RCC1: variants seen among roughly 807,000 people sequenced by gnomAD.
The protein encoded by RCC1 is regulator of chromosome condensation 1.
In RCC1, 11 loss-of-function variants were observed where a neutral mutation model predicts 44.4. The ratio of observed to expected loss-of-function variants is 0.25; its 90% CI spans 0.16 to 0.41. The LOEUF (loss-of-function observed/expected upper bound fraction) is 0.41, where lower values mean the gene tolerates loss of function less well. Among genes scored for constraint, RCC1 ranks in the 10% least tolerant of loss-of-function variants. The pLI, the probability that RCC1 is intolerant of heterozygous loss-of-function variation, is 1.00. For synonymous variants in RCC1, 213 were observed against 216.5 expected (o/e 0.98, Z 0.14); for missense variants, 386 against 547.1 (o/e 0.71, Z 2.94).
In RCC1 at chr1:28,535,876, C is replaced by A. The variant is rs1435273339; in HGVS notation, c.667C>A (p.Leu223Ile). 6.2e-7 allele frequency: 1 copy of A among 1,612,536 alleles called. No homozygotes were observed. Among genetic ancestry groups the A allele is most frequent in the East Asian group, 2.2e-5 (1 of 44,884 alleles). The change falls in exon 10 of 13, where the codon CTC (leucine) becomes ATC (isoleucine). Residue 223 changes from leucine to isoleucine, a missense_variant. Transcript: ENST00000683442. The part of the protein sequence containing the change: ...NRGGRQGLER[L>I]LVPKCVMLKS... ...GGCTTTCCCTTTGCCTGCAGAACGA[C>A]TCCTGGTCCCCAAGTGTGTGATGCT...
chr1:28,508,224 A>G (rs915833185), intron 2 of RCC1, 64 bp downstream of exon 2: 10 of 416,862 alleles, frequency 2.4e-5, no homozygotes, highest in Non-Finnish European at 5.0e-5. Flanking sequence ...TGTAATGGAA[A>G]TAGGATTGAA....
At chr1:28,523,062 T>C (rs1410414176) in intron 4 of RCC1, among the ~76,000 whole-genome samples, 1 of 145,818 alleles carries the variant, frequency 6.9e-6, no homozygotes, top group Non-Finnish European at 1.5e-5. Flanking sequence ...GACGGAGTCT[T>C]GCTCTGTCAC....
intron 4 of RCC1, among the ~76,000 whole-genome samples, chr1:28,522,052 A>G (rs1367524122): frequency 6.6e-6 from 1 of 152,216 alleles, no homozygotes. Context: ...TATGGAAGAT[A>G]CAGTGAGTTA....
At chr1:28,508,357 C>G in intron 2 of RCC1, 197 bp downstream of exon 2, 2 of 356,018 alleles carry the variant, frequency 5.6e-6, no homozygotes, top group South Asian at 2.1e-5. Flanking sequence ...AACATATGCT[C>G]TGTTCTGTAA....
intron 4 of RCC1, among the ~76,000 whole-genome samples, chr1:28,521,345 C>G (rs1663255916): frequency 6.6e-6 from 1 of 151,416 alleles, no homozygotes; most frequent in Non-Finnish European, 1.5e-5. Flanking sequence ...ACTAAAAATA[C>G]AAAAAATTAG....
rs1305657667 is a variant in RCC1, at chr1:28,516,813, CA to C, written c.-63del. The C allele has an allele frequency of 2.2e-6, 1 of 456,372 alleles. No individual in the cohort carries two copies. Among genetic ancestry groups the C allele is most frequent in the Admixed American group, 2.4e-5 (1 of 42,500 alleles). 28.3% of individuals were successfully genotyped at this position (456,372 alleles called of 1,614,324 possible). The stretch of plus-strand genomic sequence containing the variant: ...AGGGTTAAAAGTTGGAGAAATTTCA[CA>C]GTACATCATCCAAAAGAGGAGTCCA... On this transcript the variant is annotated 5_prime_UTR_variant, in exon 4 of 13. Transcript: ENST00000683442.
At chr1:28,507,217 G>A in intron 1 of RCC1, 2 of 405,658 alleles carry the variant, frequency 4.9e-6, no homozygotes, top group South Asian at 3.7e-5. Flanking sequence ...GAATATGCAT[G>A]TTACCAGTCT....
chr1:28,521,677 C>T (rs963154913), intron 4 of RCC1, among the ~76,000 whole-genome samples: 1 of 152,144 alleles, frequency 6.6e-6, no homozygotes, highest in African/African-American at 2.4e-5. Flanking sequence ...TGTCCTTCCC[C>T]ACATCTGTGG....
chr1:28,533,845 C>CTTTTTTTT lies in RCC1; in HGVS notation c.442-1162_442-1155dup, dbSNP rs1168443435. Among the ~76,000 whole-genome samples, 38 of 46,856 alleles carry CTTTTTTTT rather than the reference C, an allele frequency of 8.1e-4. 4 individuals are homozygous for CTTTTTTTT. The highest frequency in any genetic ancestry group is 1.9e-3 in the Admixed American group (5 of 2,696). 30.7% of individuals were successfully genotyped at this position (46,856 alleles called of 152,430 possible). On this transcript the variant is annotated intron_variant, in intron 7 of 12. Coordinates refer to ENST00000683442, the MANE Select transcript of RCC1 (RefSeq NM_001381865.2). ...ATATTTTTTTCTTTTCTTTTCTTTT[C>CTTTTTTTT]TTTTTTTTTTTTTTTTTTTTTTTTT...
In RCC1 at chr1:28,535,160, C is replaced by A; in HGVS notation, c.538+14C>A. 1.2e-6 allele frequency: 2 copies of A among 1,613,932 alleles called. No homozygotes were observed. Among genetic ancestry groups the A allele is most frequent in the Non-Finnish European group, 1.7e-6 (2 of 1,179,800 alleles). ...AGGTGGCCTCAGGTGGGTCTGGGGGCACTTGCTCAGGGCAGGAGTTGGAGG... is the reference window on the plus strand; with the variant it reads ...AGGTGGCCTCAGGTGGGTCTGGGGGAACTTGCTCAGGGCAGGAGTTGGAGG... On this transcript the variant is annotated intron_variant, in intron 8 of 12. Transcript: ENST00000683442.
intron 3 of RCC1, among the ~76,000 whole-genome samples, chr1:28,512,120 G>A (rs547903009): frequency 1.2e-4 from 18 of 150,700 alleles, no homozygotes; most frequent in Admixed American, 9.9e-4. Flanking sequence ...GATTACAAGC[G>A]CCTGCACCGC....
intron 4 of RCC1, among the ~76,000 whole-genome samples, chr1:28,523,733 G>C (rs1197016551): frequency 4.6e-5 from 7 of 152,188 alleles, no homozygotes; most frequent in African/African-American, 1.7e-4. Flanking sequence ...CTCCCTCCCA[G>C]GCACAGCAGA....
chr1:28,522,151 G>A (rs1052146749), intron 4 of RCC1, among the ~76,000 whole-genome samples: 2 of 152,174 alleles, frequency 1.3e-5, no homozygotes, highest in East Asian at 3.8e-4. Context: ...CCAAAAGTCT[G>A]TCCCAGTTTC....
chr1:28,526,113 T>C (rs1557874536), intron 4 of RCC1, among the ~76,000 whole-genome samples: 1 of 151,992 alleles, frequency 6.6e-6, no homozygotes, highest in Non-Finnish European at 1.5e-5. Flanking sequence ...GGCAAAACCC[T>C]GTCTCTACAA....
chr1:28,534,125 G>A (rs1257727564), intron 7 of RCC1, among the ~76,000 whole-genome samples: 8 of 151,810 alleles, frequency 5.3e-5, no homozygotes, highest in East Asian at 3.9e-4. Context: ...TGATCCGCCC[G>A]TCTGGGCCTC....
At chr1:28,511,214 C>T (rs1662514280) in intron 3 of RCC1, among the ~76,000 whole-genome samples, 1 of 152,048 alleles carries the variant, frequency 6.6e-6, no homozygotes, top group South Asian at 2.1e-4. Flanking sequence ...GCCCCTCTGC[C>T]TCAATTTCAT....
chr1:28,535,814 A>C (rs1355936851), intron 9 of RCC1, 57 bp from the exon 10 acceptor site: 4 of 1,566,910 alleles, frequency 2.6e-6, no homozygotes, highest in Non-Finnish European at 3.5e-6. Context: ...AACTCGGGGC[A>C]GAGAGAAGCC....
At chr1:28,515,804 T>C (rs937656614) in intron 3 of RCC1, among the ~76,000 whole-genome samples, 2 of 152,116 alleles carry the variant, frequency 1.3e-5, no homozygotes, top group African/African-American at 2.4e-5. Context: ...CCCAGCACTT[T>C]GGGAGGCCAA....
intron 6 of RCC1, 86 bp from the exon 7 acceptor site, chr1:28,532,085 G>A: frequency 6.4e-7 from 1 of 1,568,504 alleles, no homozygotes; most frequent in South Asian, 1.2e-5. Context: ...TGTGGAAATG[G>A]AGCTGGCTAG....
Sources: allele counts gnomAD v4.1 joint callset (sites outside exome capture counted in the v4.1 genomes callset), GRCh38; gene constraint gnomAD v4.1.1; transcripts MANE v1.5; gene names NCBI Gene and HGNC (gene_info 2026-07-23, HGNC 2026-07-21).